The following PRDM14 variants were observed in gnomAD, a reference collection of about 807,000 sequenced individuals.
PRDM14 encodes PR domain zinc finger protein 14.
In PRDM14, 16 loss-of-function variants were observed where a neutral mutation model predicts 48.0. That is an observed-to-expected ratio of 0.33 (90% CI 0.23 to 0.51). The LOEUF (loss-of-function observed/expected upper bound fraction) is 0.51, where lower values mean the gene tolerates loss of function less well. PRDM14 is among the 20% of genes least tolerant of loss of function. The pLI is 0.97. For synonymous variants in PRDM14, 264 were observed against 276.6 expected (o/e 0.95, Z 0.45); for missense variants, 566 against 719.6 (o/e 0.79, Z 2.44).
chr8:70,066,594 TCAC>T, intron 4 of PRDM14, 89 bp from the exon 5 acceptor site: 1 of 1,007,590 alleles, frequency 9.9e-7, no homozygotes, highest in Non-Finnish European at 1.5e-6. Flanking sequence ...AACCTAAATA[TCAC>T]ACTTGAGTCC....
chr8:70,062,821 T>G (rs1805608745), intron 5 of PRDM14, among the ~76,000 whole-genome samples: 1 of 152,326 alleles, frequency 6.6e-6, no homozygotes, highest in Admixed American at 6.5e-5. Context: ...GAAACAAAGT[T>G]TGTGTCAAGT....
chr8:70,066,149 G>A lies in PRDM14; in HGVS notation c.1183+86C>T. On this transcript the variant is annotated intron_variant, in intron 5 of 7. Transcript: ENST00000276594. ...CCTCTGCATTAGCCTTTAGGAGGGA[G>A]GAGCTGTGCATGGAGGGTTTGTGGA... 6 of 1,415,108 alleles carry A rather than the reference G, an allele frequency of 4.2e-6. No individual in the cohort carries two copies. In the South Asian group the frequency reaches 8.0e-5, roughly 19 times the overall value. The allele number at this position is 1,415,108 out of a possible 1,614,324, so 87.7% of individuals were successfully genotyped here.
chr8:70,064,685 C>T (rs571234908), intron 5 of PRDM14, among the ~76,000 whole-genome samples: 256 of 151,810 alleles, frequency 1.7e-3, no homozygotes, highest in Non-Finnish European at 2.5e-3. Flanking sequence ...CCACCACGCC[C>T]GGCTAATTTT....
At position 70,068,304 on chromosome 8, in the gene PRDM14, AC is replaced by A; in HGVS notation, c.837del (p.Arg279SerfsTer15). 1 of 1,614,188 alleles carries A rather than the reference AC, an allele frequency of 6.2e-7. No individual in the cohort carries two copies. Among genetic ancestry groups the A allele is most frequent in the Non-Finnish European group, 8.5e-7 (1 of 1,180,040 alleles). On this transcript the variant is annotated frameshift_variant, in exon 4 of 8. Coordinates refer to ENST00000276594, the MANE Select transcript of PRDM14 (RefSeq NM_024504.4). LOFTEE classifies it high-confidence loss of function. ...ACCACTTTACCTTGAAAGGGCCCAAACCTGACTCCTTTGGCGATAAAACTAC... is the reference window on the plus strand; with the variant it reads ...ACCACTTTACCTTGAAAGGGCCCAAACTGACTCCTTTGGCGATAAAACTAC... ...FCSSFIAKGV[R>X]FGPFQGKVVN... is the part of the protein sequence containing the mutation.
intron 5 of PRDM14, among the ~76,000 whole-genome samples, chr8:70,061,906 CAT>C (rs1361706733): frequency 6.6e-6 from 1 of 152,130 alleles, no homozygotes; most frequent in Non-Finnish European, 1.5e-5. Flanking sequence ...AACCCGCCCA[CAT>C]AGAGTCTAGA....
Position 70,069,768 on chromosome 8 carries a change from C to T in PRDM14, c.93G>A (p.Thr31=), listed in dbSNP as rs748938527. 1.2e-6 allele frequency: 2 copies of T among 1,609,264 alleles called. No homozygotes were observed. The highest frequency in any genetic ancestry group is 1.7e-6 in the Non-Finnish European group (2 of 1,178,374). ...TGTAGTGTCCATAGGACGGGAAAGG[C>T]GTGTAGTACGCGGCCAGGTTCTGCG... ...SSPQNLAAYY[T]PFPSYGHYRN... Residue 31 remains threonine (T), a synonymous_variant, in exon 2 of 8, where the codon ACG becomes ACA. Coordinates refer to ENST00000276594, the MANE Select transcript of PRDM14 (RefSeq NM_024504.4).
intron 7 of PRDM14, 117 bp downstream of exon 7, chr8:70,055,183 C>G: frequency 1.8e-6 from 1 of 565,112 alleles, no homozygotes; most frequent in Non-Finnish European, 3.2e-6. Context: ...GAGGACTGGG[C>G]TGATATTTGA....
At chr8:70,070,198 C>CT (rs1389685186) in intron 1 of PRDM14, among the ~76,000 whole-genome samples, 1 of 152,174 alleles carries the variant, frequency 6.6e-6, no homozygotes, top group African/African-American at 2.4e-5. Flanking sequence ...CCCACACCCG[C>CT]TCTCCGCTTT....
Position 70,069,658 on chromosome 8 carries a change from G to T in PRDM14, c.203C>A (p.Pro68His), listed in dbSNP as rs1440556377. The T allele has an allele frequency of 3.2e-6, 5 of 1,568,858 alleles. No individual in the cohort carries two copies. The highest frequency in any genetic ancestry group is 1.9e-5 in the Admixed American group (1 of 52,632). The stretch of plus-strand genomic sequence containing the variant: ...GGGAGGCGCCATCCGGAAGGGGAAG[G>T]GGGGCATGGCGGGGGCAGCAGACGC... ...AAASAAPAMP[P>H]FPFRMAPPLL... is the part of the protein sequence containing the mutation. Residue 68 changes from proline (P) to histidine (H), a missense_variant, in exon 2 of 8, where the codon CCC becomes CAC. Transcript: ENST00000276594.
chr8:70,068,151 A>C, intron 4 of PRDM14, 79 bp downstream of exon 4: 1 of 1,545,714 alleles, frequency 6.5e-7, no homozygotes. Flanking sequence ...GGACTCTCCC[A>C]AAAGGGCAAA....
At chr8:70,058,935 G>T in intron 5 of PRDM14, 93 bp from the exon 6 acceptor site, 6 of 1,104,846 alleles carry the variant, frequency 5.4e-6, no homozygotes, top group East Asian at 2.6e-5. Flanking sequence ...TTTTAGCCAA[G>T]AATTCTTTGG....
At chr8:70,066,022 T>C (rs771300052) in intron 5 of PRDM14, among the ~76,000 whole-genome samples, 3 of 152,184 alleles carry the variant, frequency 2.0e-5, no homozygotes, top group Admixed American at 6.5e-5. Flanking sequence ...AATAGGAGTA[T>C]ATATCTTTAT....
chr8:70,067,592 C>T (rs927640084), intron 4 of PRDM14, among the ~76,000 whole-genome samples: 2 of 151,840 alleles, frequency 1.3e-5, no homozygotes, highest in Non-Finnish European at 1.5e-5. Flanking sequence ...TCGCTGTCTC[C>T]AACATTTTGT....
In PRDM14 at chr8:70,069,274, T is replaced by C. The variant is rs778608256; in HGVS notation, c.587A>G (p.Gln196Arg). 10 of 1,610,914 alleles carry C rather than the reference T, an allele frequency of 6.2e-6. No individual in the cohort carries two copies. Among genetic ancestry groups the C allele is most frequent in the Non-Finnish European group, 8.5e-7 (1 of 1,178,528 alleles). Reference protein sequence around the residue: ...NQEGKSPARFQFTEEDLHFVL... With the variant: ...NQEGKSPARFRFTEEDLHFVL... ...GAAGTGCAGGTCCTCCTCCGTGAAC[T>C]GGAACCGAGCAGGGGACTTCCCTTC... The change falls in exon 2 of 8, where the codon CAG becomes CGG. Residue 196 changes from glutamine (Q) to arginine (R), a missense_variant. By Grantham distance (43) the Gln-to-Arg change is conservative. This residue lies in a region of PRDM14 where 410 missense variants were observed against 424.6 expected (regional missense o/e 0.97). Coordinates refer to ENST00000276594, the MANE Select transcript of PRDM14 (RefSeq NM_024504.4).
chr8:70,069,855 A>G lies in PRDM14; in HGVS notation c.6T>C (p.Ala2=), dbSNP rs911026376. The change falls in exon 2 of 8, where the codon GCT becomes GCC. Residue 2 remains alanine (A), a synonymous_variant. Coordinates refer to ENST00000276594, the MANE Select transcript of PRDM14 (RefSeq NM_024504.4). M[A]LPRPSEAVPQ... ...GCACGGCCTCACTTGGCCGGGGTAG[A>G]GCCATCCCGGGACCGCACGCTCGGC... is the stretch of plus-strand genomic sequence containing the variant. 1.9e-6 allele frequency: 3 copies of G among 1,597,322 alleles called. No individual in the cohort carries two copies. Among genetic ancestry groups the G allele is most frequent in the Non-Finnish European group, 1.7e-6 (2 of 1,171,976 alleles).
intron 5 of PRDM14, among the ~76,000 whole-genome samples, chr8:70,061,832 C>T (rs913806397): frequency 3.3e-5 from 5 of 152,106 alleles, no homozygotes; most frequent in African/African-American, 1.2e-4. Context: ...CACCTCCACA[C>T]CCCAAAACAC....
At chr8:70,066,543 T>C (rs745326457) in intron 4 of PRDM14, 38 bp from the exon 5 acceptor site, 2 of 1,542,148 alleles carry the variant, frequency 1.3e-6, no homozygotes, top group South Asian at 1.2e-5. Flanking sequence ...ATTGTACTTC[T>C]TTTTTGGTCT....
Position 70,069,753 on chromosome 8 carries a change from A to G in PRDM14, c.108T>C (p.Tyr36=). The change falls in exon 2 of 8, where the codon TAT becomes TAC. Residue 36 remains tyrosine, a synonymous_variant. Coordinates refer to ENST00000276594, the MANE Select transcript of PRDM14 (RefSeq NM_024504.4). ...TGGCCAGGCTGTTTCTGTAGTGTCC[A>G]TAGGACGGGAAAGGCGTGTAGTACG... ...LAAYYTPFPS[Y]GHYRNSLATV... The G allele has an allele frequency of 6.2e-7, 1 of 1,607,272 alleles. No individual in the cohort carries two copies. The highest frequency in any genetic ancestry group is 8.5e-7 in the Non-Finnish European group (1 of 1,177,284).
At chr8:70,057,449 C>T (rs1805495569) in intron 6 of PRDM14, among the ~76,000 whole-genome samples, 1 of 151,772 alleles carries the variant, frequency 6.6e-6, no homozygotes. Flanking sequence ...CCTGCCTCAA[C>T]CTCTAGAGTA....
Sources: gnomAD v4.1 joint callset for allele counts (sites outside exome capture counted in the v4.1 genomes callset) on GRCh38, gnomAD v4.1.1 for gene constraint, gnomAD v4.1.1 regional missense constraint, MANE v1.5 for transcripts, NCBI Gene and HGNC (gene_info 2026-07-23, HGNC 2026-07-21) for gene names.